XKR5: variants seen among roughly 807,000 people sequenced by gnomAD.
XKR5 encodes the protein XK related 5.
A neutral mutation model predicts 40.8 loss-of-function variants in XKR5; 46 were observed. That is an observed-to-expected ratio of 1.13 (90% CI 0.89 to 1.44). The LOEUF (loss-of-function observed/expected upper bound fraction) is 1.44, where lower values mean the gene tolerates loss of function less well. Among genes scored for constraint, XKR5 ranks in the 40% most tolerant of loss-of-function variants. The pLI, the probability that XKR5 is intolerant of heterozygous loss-of-function variation, is 0.00. For missense variants in XKR5, 1,169 were observed against 844.7 expected (o/e 1.38, Z -4.76); for synonymous variants, 466 against 356.1 (o/e 1.31, Z -3.48).
chr8:6,826,604 G>A (rs1804494334), intron 2 of XKR5, among the ~76,000 whole-genome samples: 1 of 152,152 alleles, frequency 6.6e-6, no homozygotes, highest in African/African-American at 2.4e-5. Flanking sequence ...GGTGAGGAGT[G>A]CTGGATTGGC....
chr8:6,809,299 C>CT lies in XKR5; in HGVS notation c.*1898dup, dbSNP rs11400092. On this transcript the variant is annotated 3_prime_UTR_variant, in exon 7 of 7. Coordinates refer to ENST00000618742, the MANE Select transcript of XKR5 (RefSeq NM_207411.5). ...TGAATGATTTTGTTCTATTAACAAG[C>CT]TTTTTTTTTAGATAGAGTCTTGCTC... is the stretch of plus-strand genomic sequence containing the variant. The CT allele has an allele frequency of 0.4, 59,625 of 150,892 alleles. 12,385 individuals are homozygous for CT. The highest frequency in any genetic ancestry group is 0.57 in the East Asian group (2,935 of 5,114). The allele number at this position is 150,892 out of a possible 1,614,324, so 9.3% of individuals were successfully genotyped here. A position where few individuals can be genotyped will look rare whatever the true frequency, so the allele number is the denominator to read the frequency against.
chr8:6,823,972 A>G (rs755882893), intron 3 of XKR5, among the ~76,000 whole-genome samples: 13 of 152,214 alleles, frequency 8.5e-5, no homozygotes, highest in Non-Finnish European at 1.6e-4. Context: ...CCACTGCTCA[A>G]TGTACTAAAT....
intron 2 of XKR5, among the ~76,000 whole-genome samples, chr8:6,826,696 G>T (rs899195058): frequency 6.6e-6 from 1 of 152,178 alleles, no homozygotes; most frequent in African/African-American, 2.4e-5. Flanking sequence ...ACCAGTTGTG[G>T]TTGAGGGACT....
At chr8:6,817,576 C>T (rs138245552) in intron 5 of XKR5, among the ~76,000 whole-genome samples, 2 of 151,982 alleles carry the variant, frequency 1.3e-5, no homozygotes, top group Non-Finnish European at 2.9e-5. Flanking sequence ...ACGATGCTGA[C>T]CTCAGTCTCC....
Position 6,825,291 on chromosome 8 carries a change from A to G in XKR5, c.301T>C (p.Trp101Arg). Residue 101 changes from tryptophan (W) to arginine (R), a missense_variant, in exon 3 of 7, where the codon TGG becomes CGG. Transcript: ENST00000618742. The part of the protein sequence containing the change: ...QKELEAPHRG[W>R]LQLQEADLSA... ...AGGTCGGCCTCCTGCAGCTGCAGCC[A>G]GCCTCGGTGGGGAGCCTCCAGTTCC... 3.7e-6 allele frequency: 6 copies of G among 1,609,676 alleles called. No individual in the cohort carries two copies. The South Asian group carries it at 6.6e-5, about 18-fold the overall frequency.
intron 5 of XKR5, among the ~76,000 whole-genome samples, chr8:6,820,093 G>A (rs949393425): frequency 6.6e-6 from 1 of 152,222 alleles, no homozygotes; most frequent in East Asian, 1.9e-4. Context: ...GGGAGCCCCG[G>A]TGACTCTCAT....
intron 5 of XKR5, among the ~76,000 whole-genome samples, chr8:6,817,354 C>T (rs1163125949): frequency 6.6e-6 from 1 of 152,154 alleles, no homozygotes; most frequent in Non-Finnish European, 1.5e-5. Context: ...GGGTCATCTT[C>T]CAGCATGCTC....
intron 4 of XKR5, among the ~76,000 whole-genome samples, chr8:6,822,948 T>G (rs1310175909): frequency 1.3e-5 from 2 of 152,248 alleles, no homozygotes; most frequent in African/African-American, 2.4e-5. Flanking sequence ...TTATATCAGG[T>G]GAGGCAAGTG....
In XKR5 at chr8:6,810,897, G is replaced by C. The variant is rs1205871877; in HGVS notation, c.*301C>G. The C allele has an allele frequency of 4.2e-6, 1 of 240,758 alleles. No individual in the cohort carries two copies. Among genetic ancestry groups the C allele is most frequent in the Non-Finnish European group, 7.9e-6 (1 of 125,800 alleles). 14.9% of individuals were successfully genotyped at this position (240,758 alleles called of 1,614,324 possible). A position where few individuals can be genotyped will look rare whatever the true frequency, so the allele number is the denominator to read the frequency against. ...TGTTTCCTAGAAGCCACAGCAAAAA[G>C]ATAAAATAAGGGAACCTACAGCTCA... On this transcript the variant is annotated 3_prime_UTR_variant, in exon 7 of 7. Coordinates refer to ENST00000618742, the MANE Select transcript of XKR5 (RefSeq NM_207411.5).
chr8:6,831,962 C>T (rs1291833370), intron 2 of XKR5, among the ~76,000 whole-genome samples: 1 of 141,366 alleles, frequency 7.1e-6, no homozygotes, highest in Non-Finnish European at 1.5e-5. Flanking sequence ...TTGCAGTGAG[C>T]CAAGATCACA....
rs1411603603 is a variant in XKR5, at chr8:6,832,829, G to A, written c.130C>T (p.Leu44=). ...LWGWLALAVL[L]PGFLVQALSY... The stretch of plus-strand genomic sequence containing the variant: ...AGGGCCTGGACCAAGAACCCGGGCA[G>A]GAGGACAGCAAGGGCCAGCCACCCC... Residue 44 remains leucine, a synonymous_variant, in exon 2 of 7, where the codon CTG becomes TTG. Coordinates refer to ENST00000618742, the MANE Select transcript of XKR5 (RefSeq NM_207411.5). 1.9e-6 allele frequency: 3 copies of A among 1,612,072 alleles called. No homozygotes were observed. Among genetic ancestry groups the A allele is most frequent in the Non-Finnish European group, 2.5e-6 (3 of 1,179,264 alleles).
intron 2 of XKR5, among the ~76,000 whole-genome samples, chr8:6,832,360 T>C (rs1267244625): frequency 6.6e-6 from 1 of 152,226 alleles, no homozygotes; most frequent in Non-Finnish European, 1.5e-5. Context: ...CACCTTCCTG[T>C]TCTAAGGTGA....
At position 6,810,964 on chromosome 8, in the gene XKR5, C is replaced by A; in HGVS notation, c.*234G>T. 1 of 406,140 alleles carries A rather than the reference C, an allele frequency of 2.5e-6. No homozygotes were observed. The highest frequency in any genetic ancestry group is 4.4e-6 in the Non-Finnish European group (1 of 229,336). 25.2% of individuals were successfully genotyped at this position (406,140 alleles called of 1,614,324 possible). A position where few individuals can be genotyped will look rare whatever the true frequency, so the allele number is the denominator to read the frequency against. On this transcript the variant is annotated 3_prime_UTR_variant, in exon 7 of 7. Transcript: ENST00000618742. ...ATTTTGACTGGAATCTCTTTCTCCT[C>A]CTCTAAAGTATGTTAGAGTCTCTCC...
chr8:6,821,875 G>A lies in XKR5; in HGVS notation c.801C>T (p.Phe267=), dbSNP rs368963382. Residue 267 remains phenylalanine, a synonymous_variant, in exon 5 of 7, where the codon TTC becomes TTT. Coordinates refer to ENST00000618742, the MANE Select transcript of XKR5 (RefSeq NM_207411.5). ...AAAGAAAAGTGCCACTTGCCATGTA[G>A]AACGTGACCATCCTATTTCTAGAAG... The part of the protein sequence containing the change: ...DSPSRNRMVT[F]YMVMLLENII... 7 of 1,613,190 alleles carry A rather than the reference G, an allele frequency of 4.3e-6. No homozygotes were observed. Among genetic ancestry groups the A allele is most frequent in the Non-Finnish European group, 5.9e-6 (7 of 1,179,556 alleles).
chr8:6,813,261 C>T (rs1009788859), intron 6 of XKR5, among the ~76,000 whole-genome samples: 5 of 152,196 alleles, frequency 3.3e-5, no homozygotes, highest in Admixed American at 6.5e-5. Context: ...TGTTCAGTGC[C>T]ACCTCTGCAG....
chr8:6,826,135 T>C (rs1804465304), intron 2 of XKR5, among the ~76,000 whole-genome samples: 1 of 152,144 alleles, frequency 6.6e-6, no homozygotes, highest in African/African-American at 2.4e-5. Flanking sequence ...GTACATGTGC[T>C]TGTGTGTGTG....
intron 4 of XKR5, among the ~76,000 whole-genome samples, chr8:6,822,788 T>C (rs1322500899): frequency 6.6e-6 from 1 of 152,204 alleles, no homozygotes; most frequent in African/African-American, 2.4e-5. Flanking sequence ...GCCATTCATA[T>C]TGCGTGTGCC....
At chr8:6,814,702 C>G (rs1214587336) in intron 6 of XKR5, among the ~76,000 whole-genome samples, 1 of 152,204 alleles carries the variant, frequency 6.6e-6, no homozygotes, top group Non-Finnish European at 1.5e-5. Flanking sequence ...GGGGTTGTCT[C>G]AGCTACCTGA....
chr8:6,823,521 C>A lies in XKR5; in HGVS notation c.637G>T (p.Gly213Cys). Reference sequence around the variant, plus strand: ...TGACCAGATCATTAGCTCAGCTCACCTGCAACCACAAAAACCCAAAAGTGG... The same window carrying A: ...TGACCAGATCATTAGCTCAGCTCACATGCAACCACAAAAACCCAAAAGTGG... ...AYHFWVFVVAGAHWLVMTFWL... is the reference protein window; with the variant it reads ...AYHFWVFVVACAHWLVMTFWL... Residue 213 changes from glycine to cysteine, a missense_variant and splice_region_variant, in exon 4 of 7, where the codon GGT becomes TGT. Coordinates refer to ENST00000618742, the MANE Select transcript of XKR5 (RefSeq NM_207411.5). 1 of 1,581,998 alleles carries A rather than the reference C, an allele frequency of 6.3e-7. No individual in the cohort carries two copies.
Sources: gnomAD v4.1 joint callset for allele counts (sites outside exome capture counted in the v4.1 genomes callset) on GRCh38, gnomAD v4.1.1 for gene constraint, MANE v1.5 for transcripts, NCBI Gene and HGNC (gene_info 2026-07-23, HGNC 2026-07-21) for gene names.